GFRAL: variants seen among roughly 807,000 people sequenced by gnomAD.
GFRAL encodes the protein GDNF family receptor alpha like, also known as GDNF family receptor alpha-like.
A neutral mutation model predicts 45.4 loss-of-function variants in GFRAL; 36 were observed. The ratio of observed to expected loss-of-function variants is 0.79; its 90% CI spans 0.61 to 1.05. GFRAL has a LOEUF of 1.05. GFRAL is among the 50% of genes least tolerant of loss of function. The probability of loss-of-function intolerance (pLI) is 0.00; values close to 1 mark genes in which losing one functional copy is unlikely to be tolerated. For missense variants in GFRAL, 507 were observed against 467.5 expected (o/e 1.08, Z -0.78); for synonymous variants, 166 against 154.1 (o/e 1.08, Z -0.57).
chr6:55,338,853 T>C (rs1480760149), intron 3 of GFRAL, among the ~76,000 whole-genome samples: 1 of 152,214 alleles, frequency 6.6e-6, no homozygotes, highest in Non-Finnish European at 1.5e-5. Flanking sequence ...TGAACTTACA[T>C]ATCTTTCTAA....
intron 3 of GFRAL, among the ~76,000 whole-genome samples, chr6:55,340,835 C>G (rs1052821861): frequency 5.3e-5 from 8 of 152,180 alleles, no homozygotes; most frequent in African/African-American, 1.7e-4. Flanking sequence ...TAATACTGCA[C>G]TTTTCCAGTG....
At chr6:55,337,410 G>C (rs1257687261) in intron 3 of GFRAL, among the ~76,000 whole-genome samples, 1 of 152,108 alleles carries the variant, frequency 6.6e-6, no homozygotes, top group Non-Finnish European at 1.5e-5. Flanking sequence ...TCTAAGTTAT[G>C]CTGGCCTGTA....
intron 6 of GFRAL, among the ~76,000 whole-genome samples, chr6:55,388,279 G>A (rs1458742165): frequency 6.6e-6 from 1 of 152,166 alleles, no homozygotes; most frequent in African/African-American, 2.4e-5. Flanking sequence ...GTTCCTGAGT[G>A]CATGTCTGCT....
chr6:55,391,673 C>A (rs369227184), intron 6 of GFRAL, among the ~76,000 whole-genome samples: 4 of 151,708 alleles, frequency 2.6e-5, no homozygotes, highest in East Asian at 1.9e-4. Flanking sequence ...TTGCTTGAGC[C>A]CAGGAGTTCA....
At chr6:55,378,215 A>T (rs1265121160) in intron 6 of GFRAL, among the ~76,000 whole-genome samples, 1 of 152,020 alleles carries the variant, frequency 6.6e-6, no homozygotes, top group Non-Finnish European at 1.5e-5. Flanking sequence ...AAGCACTCTT[A>T]GGTTGCAGCT....
Position 55,333,664 on chromosome 6 carries a change from C to T in GFRAL, c.158-122C>T, listed in dbSNP as rs1038006207. On this transcript the variant is annotated intron_variant, in intron 2 of 8. Coordinates refer to ENST00000340465, the MANE Select transcript of GFRAL (RefSeq NM_207410.2). ...CACTTATATGGATATCTTGCAGCAA[C>T]CCCAGATAATCTTACCATATTAATT... 10 of 532,208 alleles carry T rather than the reference C, an allele frequency of 1.9e-5. No individual in the cohort carries two copies. In the East Asian group the frequency reaches 2.8e-4, roughly 15 times the overall value. 33.0% of individuals were successfully genotyped at this position (532,208 alleles called of 1,614,324 possible).
rs143766097 is a variant in GFRAL, at chr6:55,359,070, C to A, written c.884C>A (p.Thr295Asn). Residue 295 changes from threonine (T) to asparagine (N), a missense_variant, in exon 6 of 9, where the codon ACC becomes AAC. By Grantham distance (65) the Thr-to-Asn change is moderately conservative (BLOSUM62 0). Coordinates refer to ENST00000340465, the MANE Select transcript of GFRAL (RefSeq NM_207410.2). ...TVLQVQCTCR[T>N]ITQSEESLCK... ...CTTCAAGTGCAATGTACCTGTAGGA[C>A]CATTACACAAAGTGAGGAATCTTTG... The A allele has an allele frequency of 2.3e-4, 366 of 1,612,044 alleles. No individual in the cohort carries two copies. The highest frequency in any genetic ancestry group is 2.9e-4 in the Non-Finnish European group (344 of 1,178,630).
At chr6:55,330,030 A>T (rs1442321596) in intron 1 of GFRAL, among the ~76,000 whole-genome samples, 1 of 151,992 alleles carries the variant, frequency 6.6e-6, no homozygotes, top group Non-Finnish European at 1.5e-5. Flanking sequence ...CAATCCCTGT[A>T]TTTTTTTCTA....
At chr6:55,343,964 C>T (rs929885818) in intron 3 of GFRAL, among the ~76,000 whole-genome samples, 2 of 152,090 alleles carry the variant, frequency 1.3e-5, no homozygotes, top group African/African-American at 4.8e-5. Flanking sequence ...TGGATGCATA[C>T]ACTCTACCAA....
At chr6:55,348,991 T>C (rs1052679796) in intron 3 of GFRAL, among the ~76,000 whole-genome samples, 1 of 152,082 alleles carries the variant, frequency 6.6e-6, no homozygotes, top group African/African-American at 2.4e-5. Flanking sequence ...GGGATCTGTT[T>C]GTTGGGATTT....
At chr6:55,378,099 A>G (rs1156827877) in intron 6 of GFRAL, among the ~76,000 whole-genome samples, 2 of 152,094 alleles carry the variant, frequency 1.3e-5, no homozygotes, top group African/African-American at 2.4e-5. Context: ...TCAAACTCGC[A>G]TACAGTGTAT....
intron 3 of GFRAL, among the ~76,000 whole-genome samples, chr6:55,345,440 G>T (rs567841788): frequency 3.9e-5 from 6 of 152,126 alleles, no homozygotes; most frequent in Admixed American, 3.9e-4. Context: ...ACATGAAATC[G>T]GGAAAGGATT....
chr6:55,394,819 C>T (rs6915910), intron 6 of GFRAL, among the ~76,000 whole-genome samples: 29,233 of 151,702 alleles, frequency 0.19, 4,652 homozygotes, highest in African/African-American at 0.44. Flanking sequence ...AAAAATTACA[C>T]GTGGATCACT....
At chr6:55,342,112 C>T in intron 3 of GFRAL, among the ~76,000 whole-genome samples, 1 of 152,246 alleles carries the variant, frequency 6.6e-6, no homozygotes, top group Non-Finnish European at 1.5e-5. Context: ...AGGATACTAT[C>T]CAGGAGAACT....
At chr6:55,380,271 T>C (rs1402736415) in intron 6 of GFRAL, among the ~76,000 whole-genome samples, 1 of 151,980 alleles carries the variant, frequency 6.6e-6, no homozygotes, top group Non-Finnish European at 1.5e-5. Context: ...ATTAAGGTTT[T>C]ACTAAAGCCA....
At chr6:55,348,645 G>C (rs1768077616) in intron 3 of GFRAL, among the ~76,000 whole-genome samples, 1 of 152,046 alleles carries the variant, frequency 6.6e-6, no homozygotes, top group Non-Finnish European at 1.5e-5. Flanking sequence ...CCAGGGGAGA[G>C]AGACAGCTAG....
chr6:55,349,600 A>AT, intron 3 of GFRAL, among the ~76,000 whole-genome samples: 1 of 152,050 alleles, frequency 6.6e-6, no homozygotes, highest in East Asian at 1.9e-4. Flanking sequence ...CGTTGATGAG[A>AT]TTTTTCAATA....
At chr6:55,332,633 A>G (rs1241675595) in intron 2 of GFRAL, among the ~76,000 whole-genome samples, 1 of 152,102 alleles carries the variant, frequency 6.6e-6, no homozygotes, top group African/African-American at 2.4e-5. Context: ...CACGTTGGCC[A>G]GGATGGTCTC....
intron 6 of GFRAL, among the ~76,000 whole-genome samples, chr6:55,395,170 AAAAAAAT>A (rs1768805937): frequency 8.5e-6 from 1 of 117,682 alleles, no homozygotes; most frequent in African/African-American, 3.2e-5. Flanking sequence ...TGGAAAAAAA[AAAAAAAT>A]ATATATATAT....
Sources: allele counts gnomAD v4.1 joint callset (sites outside exome capture counted in the v4.1 genomes callset), GRCh38; gene constraint gnomAD v4.1.1; transcripts MANE v1.5; gene names NCBI Gene and HGNC (gene_info 2026-07-23, HGNC 2026-07-21).